SLC26A9: variants seen among roughly 807,000 people sequenced by gnomAD.
The protein encoded by SLC26A9 is anion transporter/exchanger protein 9.
A neutral mutation model predicts 87.1 loss-of-function variants in SLC26A9; 46 were observed. The ratio of observed to expected loss-of-function variants is 0.53; its 90% CI spans 0.42 to 0.67. SLC26A9 has a LOEUF of 0.67. SLC26A9 is among the 30% of genes least tolerant of loss of function. The pLI is 0.00. For synonymous variants in SLC26A9, 437 were observed against 409.1 expected (o/e 1.07, Z -0.82); for missense variants, 927 against 1,018.3 (o/e 0.91, Z 1.22).
intron 6 of SLC26A9, 140 bp from the exon 7 acceptor site, chr1:205,929,496 A>G: frequency 2.3e-6 from 3 of 1,332,592 alleles, no homozygotes; most frequent in South Asian, 3.1e-5. Context: ...CTGATCAGGA[A>G]CCCTGTCCCG....
intron 2 of SLC26A9, among the ~76,000 whole-genome samples, chr1:205,934,283 G>T (rs1013810345): frequency 6.6e-6 from 1 of 152,178 alleles, no homozygotes; most frequent in African/African-American, 2.4e-5. Context: ...GCCATCCCTG[G>T]GATGCTGGAA....
intron 1 of SLC26A9, among the ~76,000 whole-genome samples, chr1:205,942,347 G>T (rs78309324): frequency 1.3e-5 from 2 of 152,156 alleles, no homozygotes; most frequent in African/African-American, 4.8e-5. Context: ...GCCAGGATGA[G>T]GGAGGTGGGG....
chr1:205,932,161 C>G lies in SLC26A9; in HGVS notation c.377-126G>C. The stretch of plus-strand genomic sequence containing the variant: ...TCCCTGCACCTCCAAGGCTCTTCTC[C>G]AACACAATAATAACAACCACTCACT... On this transcript the variant is annotated intron_variant, in intron 4 of 20. Coordinates refer to ENST00000367135, the MANE Select transcript of SLC26A9 (RefSeq NM_052934.4). The G allele has an allele frequency of 6.4e-6, 7 of 1,096,310 alleles. No homozygotes were observed. The South Asian group carries it at 1.1e-4, about 18-fold the overall frequency. 67.9% of individuals were successfully genotyped at this position (1,096,310 alleles called of 1,614,324 possible).
Position 205,920,183 on chromosome 1 carries a change from G to A in SLC26A9, c.2103C>T (p.Asn701=), listed in dbSNP as rs749480352. 2.5e-6 allele frequency: 4 copies of A among 1,613,964 alleles called. No individual in the cohort carries two copies. The highest frequency in any genetic ancestry group is 2.2e-5 in the South Asian group (2 of 91,072). ...ATGTCCTCTTTCTCTTACCATGGAT[G>A]TTCACCAAGAAGACCTTCACGCCGA... ...GKIGVKVFLV[N]IHAQVYNDIS... Residue 701 remains asparagine (N), a synonymous_variant, in exon 18 of 21, where the codon AAC becomes AAT. Transcript: ENST00000367135.
chr1:205,915,298 C>T lies in SLC26A9; in HGVS notation c.*59G>A. ...CACCCCCTGTGACCCCAGGCTCATCCTTTATGGAAGTCCCAAGTGCCAGGC... is the reference window on the plus strand; with the variant it reads ...CACCCCCTGTGACCCCAGGCTCATCTTTTATGGAAGTCCCAAGTGCCAGGC... On this transcript the variant is annotated 3_prime_UTR_variant, in exon 21 of 21. Transcript: ENST00000367135. 1 of 1,612,528 alleles carries T rather than the reference C, an allele frequency of 6.2e-7. No individual in the cohort carries two copies. Among genetic ancestry groups the T allele is most frequent in the Non-Finnish European group, 8.5e-7 (1 of 1,179,210 alleles).
In SLC26A9 at chr1:205,927,618, G is replaced by C. The variant is rs1159181580; in HGVS notation, c.1102-13C>G. On this transcript the variant is annotated splice_polypyrimidine_tract_variant and intron_variant, in intron 9 of 20. Transcript: ENST00000367135. ...GAGCGATCATCTCCTGCAGGGAGGG[G>C]ACAGGATTAGAAGCCAGTGTGGGGC... is the stretch of plus-strand genomic sequence containing the variant. 1.1e-5 allele frequency: 17 copies of C among 1,609,674 alleles called. No individual in the cohort carries two copies. Among genetic ancestry groups the C allele is most frequent in the Non-Finnish European group, 1.4e-5 (17 of 1,177,528 alleles).
intron 17 of SLC26A9, 98 bp from the exon 18 acceptor site, chr1:205,920,328 C>T (rs1658774164): frequency 6.9e-7 from 1 of 1,439,878 alleles, no homozygotes; most frequent in Non-Finnish European, 9.7e-7. Context: ...GGAAGCCAAA[C>T]AAATAAGCAA....
intron 12 of SLC26A9, 133 bp from the exon 13 acceptor site, chr1:205,924,622 A>C: frequency 1.4e-6 from 1 of 703,714 alleles, no homozygotes; most frequent in Non-Finnish European, 2.3e-6. Context: ...TTCTTTAAAT[A>C]GCATTTTTTG....
In SLC26A9 at chr1:205,931,899, G is replaced by A. The variant is rs915153205; in HGVS notation, c.513C>T (p.His171=). ...DTAAMEAERL[H]VSATLACLTA... ...TGAGGCAGGCTAGCGTAGCTGACACGTGCAGCCTCTCAGCCTCCATGGCTG... is the reference window on the plus strand; with the variant it reads ...TGAGGCAGGCTAGCGTAGCTGACACATGCAGCCTCTCAGCCTCCATGGCTG... The change falls in exon 5 of 21, where the codon CAC becomes CAT. Residue 171 remains histidine, a synonymous_variant. Transcript: ENST00000367135. 34 of 1,613,996 alleles carry A rather than the reference G, an allele frequency of 2.1e-5. No individual in the cohort carries two copies. The highest frequency in any genetic ancestry group is 2.6e-5 in the Non-Finnish European group (31 of 1,180,020).
At position 205,914,768 on chromosome 1, in the gene SLC26A9, G is replaced by C; in HGVS notation, c.*589C>G. 8.3e-7 allele frequency: 1 copy of C among 1,209,496 alleles called. No homozygotes were observed. Among genetic ancestry groups the C allele is most frequent in the Non-Finnish European group, 1.2e-6 (1 of 861,126 alleles). 74.9% of individuals were successfully genotyped at this position (1,209,496 alleles called of 1,614,324 possible). On this transcript the variant is annotated 3_prime_UTR_variant, in exon 21 of 21. Coordinates refer to ENST00000367135, the MANE Select transcript of SLC26A9 (RefSeq NM_052934.4). ...CAGCCTTGGGGATGATGGAGGGGGGGCGCATAGTTACCAAGGCCTAGACTC... is the reference window on the plus strand; with the variant it reads ...CAGCCTTGGGGATGATGGAGGGGGGCCGCATAGTTACCAAGGCCTAGACTC...
At chr1:205,918,741 G>T in intron 19 of SLC26A9, 99 bp downstream of exon 19, 1 of 1,427,382 alleles carries the variant, frequency 7.0e-7, no homozygotes, top group Non-Finnish European at 9.4e-7. Flanking sequence ...ACTTGATATT[G>T]GAACTTAAAC....
At chr1:205,918,814 G>T in intron 19 of SLC26A9, 26 bp downstream of exon 19, 1 of 1,600,976 alleles carries the variant, frequency 6.2e-7, no homozygotes. Flanking sequence ...TTGGAGCCTA[G>T]GATTCCCCAG....
In SLC26A9 at chr1:205,928,909, C is replaced by T. The variant is rs771960263; in HGVS notation, c.871G>A (p.Val291Met). 18 of 1,614,144 alleles carry T rather than the reference C, an allele frequency of 1.1e-5. No homozygotes were observed. Among genetic ancestry groups the T allele is most frequent in the Non-Finnish European group, 1.3e-5 (15 of 1,180,010 alleles). The change falls in exon 8 of 21, where the codon GTG becomes ATG. Residue 291 changes from valine (V) to methionine (M), a missense_variant and splice_region_variant. Coordinates refer to ENST00000367135, the MANE Select transcript of SLC26A9 (RefSeq NM_052934.4). ...RFPIPTEMIV[V>M]VVATAISGGC... is the part of the protein sequence containing the mutation. Reference sequence around the variant, plus strand: ...CCGGAGATAGCTGTTGCCACCACCACCTGCAAACCCCAGAGTGGAGAATGG... The same window carrying T: ...CCGGAGATAGCTGTTGCCACCACCATCTGCAAACCCCAGAGTGGAGAATGG...
In SLC26A9 at chr1:205,923,463, G is replaced by A. The variant is rs533017032; in HGVS notation, c.1567-36C>T. 4.3e-6 allele frequency: 7 copies of A among 1,613,926 alleles called. No homozygotes were observed. In the Admixed American group the frequency reaches 1.2e-4, roughly 27 times the overall value. On this transcript the variant is annotated intron_variant, in intron 14 of 20. Transcript: ENST00000367135. Reference sequence around the variant, plus strand: ...GAGACTGAGCTCAAGTTGCAGAAATGTCTTTATTGGCTTTAAAAAGCAACC... The same window carrying A: ...GAGACTGAGCTCAAGTTGCAGAAATATCTTTATTGGCTTTAAAAAGCAACC...
rs756753224 is a variant in SLC26A9 at position 205,926,519 on chromosome 1, G to T, written c.1389+16C>A. 2 of 1,610,204 alleles carry T rather than the reference G, an allele frequency of 1.2e-6. No homozygotes were observed. The highest frequency in any genetic ancestry group is 2.2e-5 in the South Asian group (2 of 91,016). ...GCAGGGGCATGGCCAGTACCCAGAG[G>T]CTGCCCGATACTTACACAGTCCAGC... On this transcript the variant is annotated intron_variant, in intron 12 of 20. Transcript: ENST00000367135.
chr1:205,927,094 G>A, intron 11 of SLC26A9, 117 bp downstream of exon 11: 4 of 1,034,134 alleles, frequency 3.9e-6, no homozygotes, highest in Non-Finnish European at 3.0e-6. Context: ...ACAGTTTGTG[G>A]TTGAGACTAA....
chr1:205,924,708 T>C, intron 12 of SLC26A9: 1 of 516,126 alleles, frequency 1.9e-6, no homozygotes, highest in Non-Finnish European at 3.5e-6. Context: ...TGATCTTGTC[T>C]GTGTTTTTAG....
intron 1 of SLC26A9, among the ~76,000 whole-genome samples, chr1:205,941,691 T>C (rs1659752932): frequency 6.6e-6 from 1 of 152,208 alleles, no homozygotes; most frequent in Non-Finnish European, 1.5e-5. Flanking sequence ...CTCCCTCCTC[T>C]GCACTTTCCC....
At chr1:205,925,640 G>A (rs1164536830) in intron 12 of SLC26A9, among the ~76,000 whole-genome samples, 1 of 152,178 alleles carries the variant, frequency 6.6e-6, no homozygotes, top group Non-Finnish European at 1.5e-5. Context: ...CCCTAGGTGG[G>A]TGAGACTGCC....
Sources: gnomAD v4.1 joint callset for allele counts (sites outside exome capture counted in the v4.1 genomes callset) on GRCh38, gnomAD v4.1.1 for gene constraint, MANE v1.5 for transcripts, NCBI Gene and HGNC (gene_info 2026-07-23, HGNC 2026-07-21) for gene names.